Variants in TTC13 observed in about 807,000 individuals in gnomAD.
TTC13 encodes the protein tetratricopeptide repeat protein 13.
In TTC13, 62 loss-of-function variants were observed where a neutral mutation model predicts 120.0. The observed-to-expected ratio is 0.52, with a 90% confidence interval of 0.42 to 0.64. The LOEUF (loss-of-function observed/expected upper bound fraction) is 0.64. Among genes scored for constraint, TTC13 ranks in the 30% least tolerant of loss-of-function variants. The pLI, the probability that TTC13 is intolerant of heterozygous loss-of-function variation, is 0.00. For missense variants in TTC13, 824 were observed against 1,050.2 expected (o/e 0.78, Z 2.98); for synonymous variants, 384 against 393.5 (o/e 0.98, Z 0.28).
intron 1 of TTC13, among the ~76,000 whole-genome samples, chr1:230,969,609 C>A (rs1041295178): frequency 1.3e-5 from 2 of 152,196 alleles, no homozygotes; most frequent in African/African-American, 4.8e-5. Flanking sequence ...ATTTCTCTGA[C>A]TTCAAACTTA....
At chr1:230,945,312 A>G (rs753444908) in intron 5 of TTC13, 77 bp downstream of exon 5, 9 of 1,253,820 alleles carry the variant, frequency 7.2e-6, no homozygotes, top group Non-Finnish European at 1.1e-5. Flanking sequence ...GTCAATGAAC[A>G]GTAGCAGTTC....
chr1:230,960,616 C>T (rs1358062215), intron 2 of TTC13, among the ~76,000 whole-genome samples: 2 of 150,618 alleles, frequency 1.3e-5, no homozygotes, highest in African/African-American at 2.4e-5. Context: ...AATTTTAAAC[C>T]GAAGATGCAA....
At chr1:230,907,157 G>A in intron 22 of TTC13, 138 bp from the exon 23 acceptor site, 2 of 413,110 alleles carry the variant, frequency 4.8e-6, no homozygotes, top group East Asian at 4.0e-5. Flanking sequence ...AGGCAGGGAG[G>A]AGCTGTGAAC....
chr1:230,958,481 G>A (rs571707647), intron 2 of TTC13, among the ~76,000 whole-genome samples, 182 bp from the exon 3 acceptor site: 99 of 152,306 alleles, frequency 6.5e-4, no homozygotes, highest in African/African-American at 2.3e-3. Context: ...CCTTGATGAC[G>A]AGAGGGAAAC....
At position 230,923,840 on chromosome 1, in the gene TTC13, C is replaced by T. The variant is rs1672808715; in HGVS notation, c.1814+1G>A. 6.2e-7 allele frequency: 1 copy of T among 1,612,112 alleles called. No individual in the cohort carries two copies. Among genetic ancestry groups the T allele is most frequent in the Middle Eastern group, 1.7e-4 (1 of 6,050 alleles). ...AAGAAAGATGCACAAAAGGTTCGTA[C>T]CTGATTAAATTAATGTGGTTGTTAA... On this transcript the variant is annotated splice_donor_variant, in intron 15 of 22. Transcript: ENST00000366661. LOFTEE classifies it high-confidence loss of function.
intron 1 of TTC13, among the ~76,000 whole-genome samples, chr1:230,962,478 T>C (rs557247370): frequency 1.3e-5 from 2 of 152,148 alleles, no homozygotes; most frequent in African/African-American, 2.4e-5. Flanking sequence ...TGTAGAAAAA[T>C]TGGAACCCTT....
chr1:230,949,826 T>G (rs1447770508), intron 4 of TTC13, among the ~76,000 whole-genome samples: 1 of 152,096 alleles, frequency 6.6e-6, no homozygotes, highest in Non-Finnish European at 1.5e-5. Flanking sequence ...TGTTTTTGTA[T>G]TTTTAGTAGA....
chr1:230,917,229 T>C (rs574828700), intron 17 of TTC13, among the ~76,000 whole-genome samples: 13 of 152,318 alleles, frequency 8.5e-5, no homozygotes, highest in African/African-American at 3.1e-4. Context: ...TAACACACTA[T>C]GTGCCAATTC....
At chr1:230,931,235 A>G in intron 11 of TTC13, 63 bp downstream of exon 11, 1 of 1,551,478 alleles carries the variant, frequency 6.4e-7, no homozygotes. Context: ...AAAAGAGTCA[A>G]GCAATATGAT....
At chr1:230,931,536 T>C in intron 10 of TTC13, 64 bp from the exon 11 acceptor site, 1 of 1,572,078 alleles carries the variant, frequency 6.4e-7, no homozygotes, top group Non-Finnish European at 8.7e-7. Context: ...GCTTTATTCT[T>C]TACTCTGGAA....
At chr1:230,972,015 A>C (rs1413012223) in intron 1 of TTC13, among the ~76,000 whole-genome samples, 1 of 152,252 alleles carries the variant, frequency 6.6e-6, no homozygotes, top group Non-Finnish European at 1.5e-5. Flanking sequence ...GATTAGTGAC[A>C]AGGGAACACA....
Position 230,923,950 on chromosome 1 carries a change from T to G in TTC13, c.1722-17A>C. 6.3e-7 allele frequency: 1 copy of G among 1,595,860 alleles called. No individual in the cohort carries two copies. Among genetic ancestry groups the G allele is most frequent in the Non-Finnish European group, 8.6e-7 (1 of 1,166,284 alleles). ...TCAGCAATCCTATAAAACAGAGACC[T>G]TTATAAAACCAGAAGTGTTCAGAAG... On this transcript the variant is annotated splice_polypyrimidine_tract_variant and intron_variant, in intron 14 of 22. Coordinates refer to ENST00000366661, the MANE Select transcript of TTC13 (RefSeq NM_024525.5).
intron 4 of TTC13, among the ~76,000 whole-genome samples, chr1:230,951,602 A>T (rs930281952): frequency 5.3e-5 from 8 of 152,252 alleles, no homozygotes; most frequent in Non-Finnish European, 8.8e-5. Context: ...GTGAAGAATG[A>T]AAAGTAGTAG....
chr1:230,943,598 A>G (rs1674716577), intron 6 of TTC13, among the ~76,000 whole-genome samples: 1 of 152,172 alleles, frequency 6.6e-6, no homozygotes, highest in Non-Finnish European at 1.5e-5. Context: ...TTCATACTAA[A>G]TATTACTCTT....
Position 230,947,865 on chromosome 1 carries a change from G to C in TTC13, c.514-2411C>G, listed in dbSNP as rs918897412. 3.3e-5 allele frequency among the ~76,000 whole-genome samples: 5 copies of C among 152,268 alleles called. No homozygotes were observed. The East Asian group carries it at 9.6e-4, about 29-fold the overall frequency. ...GCATCCCCGCACACCCGTGGCCGGG[G>C]CTGGTGCTCTGGCATCCTCCTGCTC... On this transcript the variant is annotated intron_variant, in intron 4 of 22. Coordinates refer to ENST00000366661, the MANE Select transcript of TTC13 (RefSeq NM_024525.5).
intron 4 of TTC13, among the ~76,000 whole-genome samples, chr1:230,948,865 T>G (rs1384648715): frequency 6.6e-6 from 1 of 152,148 alleles, no homozygotes; most frequent in African/African-American, 2.4e-5. Flanking sequence ...GCAGTGCATT[T>G]GCAAATGCTA....
At chr1:230,925,216 A>C (rs1423520943) in intron 13 of TTC13, among the ~76,000 whole-genome samples, 1 of 152,190 alleles carries the variant, frequency 6.6e-6, no homozygotes, top group East Asian at 1.9e-4. Flanking sequence ...AAACAAGTGG[A>C]GGTTTGCATT....
rs1671224648 is a variant in TTC13, at chr1:230,908,992, C to A, written c.2338G>T (p.Ala780Ser). 1 of 1,614,064 alleles carries A rather than the reference C, an allele frequency of 6.2e-7. No individual in the cohort carries two copies. Among genetic ancestry groups the A allele is most frequent in the African/African-American group, 1.3e-5 (1 of 74,932 alleles). ...ACTTCTTTTCCACTTGCCATCAGTG[C>A]TCCCACGATGACCGAGTAAGCAATT... is the stretch of plus-strand genomic sequence containing the variant. The part of the protein sequence containing the change: ...SVIAYSVIVG[A>S]LMASGKEVAG... The change falls in exon 21 of 23, where the codon GCA becomes TCA. Residue 780 changes from alanine (A) to serine (S), a missense_variant. Physicochemically the swap from Ala to Ser is moderately conservative, Grantham distance 99. Transcript: ENST00000366661.
At chr1:230,948,101 C>T (rs567225731) in intron 4 of TTC13, among the ~76,000 whole-genome samples, 12 of 152,192 alleles carry the variant, frequency 7.9e-5, no homozygotes, top group Admixed American at 1.3e-4. Flanking sequence ...CTCATCATAT[C>T]ATTTCCCTAA....
Sources: gnomAD v4.1 joint callset for allele counts (sites outside exome capture counted in the v4.1 genomes callset) on GRCh38, gnomAD v4.1.1 for gene constraint, MANE v1.5 for transcripts, NCBI Gene and HGNC (gene_info 2026-07-23, HGNC 2026-07-21) for gene names.